The following KLF4 variants were observed in gnomAD, a reference collection of about 807,000 sequenced individuals.
KLF4 encodes KLF transcription factor 4.
In KLF4, 14 loss-of-function variants were observed where a neutral mutation model predicts 38.0. The observed-to-expected ratio is 0.37, with a 90% CI of 0.24 to 0.58. The LOEUF (loss-of-function observed/expected upper bound fraction) is 0.58. KLF4 is among the 20% of genes least tolerant of loss of function. The probability of loss-of-function intolerance (pLI) is 0.76; values close to 1 mark genes in which losing one functional copy is unlikely to be tolerated. For synonymous variants in KLF4, 398 were observed against 302.5 expected, an observed-to-expected ratio of 1.32 and a Z score of -3.28; for missense variants, 737 against 670.1, an observed-to-expected ratio of 1.10 and a Z score of -1.10.
chr9:107,487,974 G>A lies in KLF4; in HGVS notation c.420C>T (p.Gly140=). The change falls in exon 3 of 5, where the codon GGC becomes GGT. Residue 140 remains glycine (G), a synonymous_variant. Transcript: ENST00000374672. This position sits in a 1 kb window ranked among gnomAD's most constrained non-coding sequence, Gnocchi z 6.1. The part of the protein sequence containing the change: ...ASSSSSPSSS[G]PASAPSTCSF... ...TGCAGGTGGAGGGCGCGCTGGCAGG[G>A]CCGCTGCTCGACGGCGACGACGAAG... 1 of 1,587,640 alleles carries A rather than the reference G, an allele frequency of 6.3e-7. No homozygotes were observed. The highest frequency in any genetic ancestry group is 1.3e-5 in the African/African-American group (1 of 74,586).
At chr9:107,486,925 C>A in intron 4 of KLF4, 103 bp downstream of exon 4, 6 of 1,593,144 alleles carry the variant, frequency 3.8e-6, no homozygotes, top group Non-Finnish European at 5.1e-6. Flanking sequence ...GCCTATGGGG[C>A]TGGAAGCTAA....
In KLF4 at chr9:107,487,860, A is replaced by T. The variant is rs1314307506; in HGVS notation, c.534T>A (p.Ala178=). 2 of 1,528,540 alleles carry T rather than the reference A, an allele frequency of 1.3e-6. No individual in the cohort carries two copies. Among genetic ancestry groups the T allele is most frequent in the Non-Finnish European group, 1.8e-6 (2 of 1,136,996 alleles). The allele number at this position is 1,528,540 out of a possible 1,614,324, so 94.7% of individuals were successfully genotyped here. A position where few individuals can be genotyped will look rare whatever the true frequency, so the allele number is the denominator to read the frequency against. ...GGGLLYGRES[A]PPPTAPFNLA... ...GGTTGAAGGGAGCCGTCGGAGGGGG[A>T]GCGGACTCCCTGCCATAGAGGAGGC... Residue 178 remains alanine (A), a synonymous_variant, in exon 3 of 5, where the codon GCT becomes GCA. Coordinates refer to ENST00000374672, the MANE Select transcript of KLF4 (RefSeq NM_004235.6). The surrounding 1 kb of genome is among the most constrained non-coding windows in gnomAD (Gnocchi z 6.1).
chr9:107,489,404 G>C lies in KLF4; in HGVS notation c.-232C>G. The C allele has an allele frequency of 2.0e-6, 1 of 493,396 alleles. No homozygotes were observed. Among genetic ancestry groups the C allele is most frequent in the Non-Finnish European group, 3.4e-6 (1 of 291,670 alleles). The allele number at this position is 493,396 out of a possible 1,614,324, so 30.6% of individuals were successfully genotyped here. ...AATAGACAATCAGCAAGGCGAGTAA[G>C]TAGGTCCGGTGGCCGGGCTGCGCTC... On this transcript the variant is annotated 5_prime_UTR_variant, in exon 1 of 5. Transcript: ENST00000374672.
In KLF4 at chr9:107,487,607, C is replaced by A; in HGVS notation, c.787G>T (p.Val263Leu). ...GGCGGCCCGCCGTTGTAGGGCGCCA[C>A]CACCACCGGGTGGCTGCCGTCAGGG... ...GSPDGSHPVV[V>L]APYNGGPPRT... The change falls in exon 3 of 5, where the codon GTG becomes TTG. Residue 263 changes from valine to leucine, a missense_variant. Physicochemically the swap from Val to Leu is conservative, Grantham distance 32. Coordinates refer to ENST00000374672, the MANE Select transcript of KLF4 (RefSeq NM_004235.6). This position sits in a 1 kb window ranked among gnomAD's most constrained non-coding sequence, Gnocchi z 6.1. The A allele has an allele frequency of 1.3e-6, 2 of 1,599,992 alleles. No individual in the cohort carries two copies. Among genetic ancestry groups the A allele is most frequent in the Non-Finnish European group, 1.7e-6 (2 of 1,176,972 alleles).
In KLF4 at chr9:107,489,054, C is replaced by A. The variant is rs1477844787; in HGVS notation, c.6-4G>T. ...GTCAGACTCGCCAGGTGGCTGCCTG[C>A]GAGCAAGGCAGGGAGCGGAGACAGG... On this transcript the variant is annotated splice_region_variant and splice_polypyrimidine_tract_variant and intron_variant, in intron 1 of 4. Transcript: ENST00000374672. 1.9e-6 allele frequency: 3 copies of A among 1,553,918 alleles called. No homozygotes were observed. The highest frequency in any genetic ancestry group is 2.6e-6 in the Non-Finnish European group (3 of 1,148,200).
rs186385580 is a variant in KLF4, at chr9:107,486,226, T to C, written c.1265-300A>G. 1.6e-4 allele frequency among the ~76,000 whole-genome samples: 24 copies of C among 152,340 alleles called. No individual in the cohort carries two copies. In the East Asian group the frequency reaches 4.4e-3, roughly 28 times the overall value. On this transcript the variant is annotated intron_variant, in intron 4 of 4. Coordinates refer to ENST00000374672, the MANE Select transcript of KLF4 (RefSeq NM_004235.6). The stretch of plus-strand genomic sequence containing the variant: ...ACCTAAACCTATACTAATGTTTCAT[T>C]TGAGTCAAGGCATCTCAGTGGTGGA...
rs920201485 is a variant in KLF4 at position 107,487,043 on chromosome 9, G to A, written c.1249C>T (p.Leu417=). Residue 417 remains leucine, a synonymous_variant, in exon 4 of 5, where the codon CTG becomes TTG. Coordinates refer to ENST00000374672, the MANE Select transcript of KLF4 (RefSeq NM_004235.6). This position sits in a 1 kb window ranked among gnomAD's most constrained non-coding sequence, Gnocchi z 6.1. ...GTCCCCCTACCTGTGTGGGTTCGCA[G>A]GTGTGCCTTGAGATGGGAACTCTTT... The part of the protein sequence containing the change: ...YTKSSHLKAH[L]RTHTGEKPYH... 3 of 1,614,210 alleles carry A rather than the reference G, an allele frequency of 1.9e-6. No individual in the cohort carries two copies. Among genetic ancestry groups the A allele is most frequent in the Non-Finnish European group, 2.5e-6 (3 of 1,180,052 alleles).
Position 107,489,252 on chromosome 9 carries a change from C to A in KLF4, c.-80G>T. 7.0e-7 allele frequency: 1 copy of A among 1,424,062 alleles called. No homozygotes were observed. The highest frequency in any genetic ancestry group is 9.2e-7 in the Non-Finnish European group (1 of 1,086,470). The allele number at this position is 1,424,062 out of a possible 1,614,324, so 88.2% of individuals were successfully genotyped here. On this transcript the variant is annotated 5_prime_UTR_variant, in exon 1 of 5. Transcript: ENST00000374672. ...CCCCAAAGTCAACGAAGAGAAGAAA[C>A]GAAGCCAAAACCCAAAACCCCAAAT...
rs766335225 is a variant in KLF4, at chr9:107,487,715, C to G, written c.679G>C (p.Gly227Arg). ...AGCGACGCCTTCAGCACGAACTTGC[C>G]CATCAGCCCGCCACCTGGCGGCTGC... ...QPQPPGGGLM[G>R]KFVLKASLSA... is the part of the protein sequence containing the mutation. Residue 227 changes from glycine (G) to arginine (R), a missense_variant, in exon 3 of 5, where the codon GGC (glycine) becomes CGC (arginine). Gly to Arg is a moderately radical substitution (Grantham distance 125). Around this residue, in one of 2 missense-constraint regions of KLF4, gnomAD observed 695 missense variants for 554.5 expected, o/e 1.25. Transcript: ENST00000374672. This position sits in a 1 kb window ranked among gnomAD's most constrained non-coding sequence, Gnocchi z 6.1. 2.5e-6 allele frequency: 4 copies of G among 1,601,130 alleles called. No individual in the cohort carries two copies. The highest frequency in any genetic ancestry group is 3.4e-6 in the Non-Finnish European group (4 of 1,175,170).
chr9:107,485,675 A>G lies in KLF4; in HGVS notation c.*76T>C. 7.2e-7 allele frequency: 1 copy of G among 1,381,394 alleles called. No homozygotes were observed. Among genetic ancestry groups the G allele is most frequent in the African/African-American group, 1.5e-5 (1 of 67,370 alleles). The allele number at this position is 1,381,394 out of a possible 1,614,324, so 85.6% of individuals were successfully genotyped here. A position where few individuals can be genotyped will look rare whatever the true frequency, so the allele number is the denominator to read the frequency against. On this transcript the variant is annotated 3_prime_UTR_variant, in exon 5 of 5. Coordinates refer to ENST00000374672, the MANE Select transcript of KLF4 (RefSeq NM_004235.6). This position sits in a 1 kb window ranked among gnomAD's most constrained non-coding sequence, Gnocchi z 4.9. Reference sequence around the variant, plus strand: ...GCTTTCTGGCTGGGCTCCTTCCCTCATCGGGAAGACAGTGTGAAAAGTAAA... The same window carrying G: ...GCTTTCTGGCTGGGCTCCTTCCCTCGTCGGGAAGACAGTGTGAAAAGTAAA...
In KLF4 at chr9:107,485,672, C is replaced by G; in HGVS notation, c.*79G>C. On this transcript the variant is annotated 3_prime_UTR_variant, in exon 5 of 5. Transcript: ENST00000374672. The surrounding 1 kb of genome is among the most constrained non-coding windows in gnomAD (Gnocchi z 4.9). The stretch of plus-strand genomic sequence containing the variant: ...AGTGCTTTCTGGCTGGGCTCCTTCC[C>G]TCATCGGGAAGACAGTGTGAAAAGT... The G allele has an allele frequency of 2.2e-6, 3 of 1,390,822 alleles. No homozygotes were observed. Among genetic ancestry groups the G allele is most frequent in the South Asian group, 1.5e-5 (1 of 65,560 alleles). The allele number at this position is 1,390,822 out of a possible 1,614,324, so 86.2% of individuals were successfully genotyped here.
In KLF4 at chr9:107,485,723, A is replaced by T. The variant is rs1307001356; in HGVS notation, c.*28T>A. 3 of 1,528,124 alleles carry T rather than the reference A, an allele frequency of 2.0e-6. No homozygotes were observed. Among genetic ancestry groups the T allele is most frequent in the Non-Finnish European group, 1.8e-6 (2 of 1,141,046 alleles). 94.7% of individuals were successfully genotyped at this position (1,528,124 alleles called of 1,614,324 possible). ...AAAAAATACTGAATTCTCTTCTGGC[A>T]GTGTGGGTCATATCCACTGTCTGGG... is the stretch of plus-strand genomic sequence containing the variant. On this transcript the variant is annotated 3_prime_UTR_variant, in exon 5 of 5. Transcript: ENST00000374672. This position sits in a 1 kb window ranked among gnomAD's most constrained non-coding sequence, Gnocchi z 4.9.
rs776707884 is a variant in KLF4 at position 107,488,253 on chromosome 9, C to G, written c.141G>C (p.Glu47Asp). ...GGGGAAGTCGCTTCATGTGGGAGAG[C>G]TCCTCCCGCCAGCGCTGCGGGGACA... ...AGAPNNRWRE[E>D]LSHMKRLPPV... The change falls in exon 3 of 5, where the codon GAG (glutamate) becomes GAC (aspartate). Residue 47 changes from glutamate to aspartate, a missense_variant. Coordinates refer to ENST00000374672, the MANE Select transcript of KLF4 (RefSeq NM_004235.6). The surrounding 1 kb of genome is among the most constrained non-coding windows in gnomAD (Gnocchi z 5.7). 11 of 1,604,986 alleles carry G rather than the reference C, an allele frequency of 6.9e-6. 1 individual carries two copies. In the East Asian group the frequency reaches 1.6e-4, roughly 23 times the overall value.
In KLF4 at chr9:107,489,221, C is replaced by T; in HGVS notation, c.-49G>A. 6.9e-7 allele frequency: 1 copy of T among 1,450,898 alleles called. No homozygotes were observed. Among genetic ancestry groups the T allele is most frequent in the Non-Finnish European group, 9.1e-7 (1 of 1,099,332 alleles). 89.9% of individuals were successfully genotyped at this position (1,450,898 alleles called of 1,614,324 possible). A position where few individuals can be genotyped will look rare whatever the true frequency, so the allele number is the denominator to read the frequency against. On this transcript the variant is annotated 5_prime_UTR_variant, in exon 1 of 5. It adds an upstream start codon to the 5' untranslated region. Transcript: ENST00000374672. ...TCGGCAGCCCGAAGCAGCTGGGGCA[C>T]CTGAACCCCAAAGTCAACGAAGAGA...
chr9:107,488,230 G>A lies in KLF4; in HGVS notation c.164C>T (p.Pro55Leu). Residue 55 changes from proline to leucine, a missense_variant, in exon 3 of 5, where the codon CCC becomes CTC. Physicochemically the swap from Pro to Leu is moderately conservative, Grantham distance 98 (BLOSUM62 -3). This residue lies in a region of KLF4 where 695 missense variants were observed against 554.5 expected (regional missense o/e 1.25). Coordinates refer to ENST00000374672, the MANE Select transcript of KLF4 (RefSeq NM_004235.6). This position sits in a 1 kb window ranked among gnomAD's most constrained non-coding sequence, Gnocchi z 5.7. ...ATAGGGGCGGCCGGGAAGCACTGGGGGAAGTCGCTTCATGTGGGAGAGCTC... is the reference window on the plus strand; with the variant it reads ...ATAGGGGCGGCCGGGAAGCACTGGGAGAAGTCGCTTCATGTGGGAGAGCTC... ...REELSHMKRL[P>L]PVLPGRPYDL... The A allele has an allele frequency of 1.2e-6, 2 of 1,610,622 alleles. No homozygotes were observed. The highest frequency in any genetic ancestry group is 1.1e-5 in the South Asian group (1 of 90,952).
At position 107,485,674 on chromosome 9, in the gene KLF4, C is replaced by A. The variant is rs142029409; in HGVS notation, c.*77G>T. ...TGCTTTCTGGCTGGGCTCCTTCCCT[C>A]ATCGGGAAGACAGTGTGAAAAGTAA... On this transcript the variant is annotated 3_prime_UTR_variant, in exon 5 of 5. Coordinates refer to ENST00000374672, the MANE Select transcript of KLF4 (RefSeq NM_004235.6). The surrounding 1 kb of genome is among the most constrained non-coding windows in gnomAD (Gnocchi z 4.9). The A allele has an allele frequency of 1.2e-5, 17 of 1,374,810 alleles. No individual in the cohort carries two copies. In the African/African-American group the frequency reaches 2.2e-4, roughly 18 times the overall value. 85.2% of individuals were successfully genotyped at this position (1,374,810 alleles called of 1,614,324 possible).
In KLF4 at chr9:107,488,969, T is replaced by C; in HGVS notation, c.87A>G (p.Gly29=). The change falls in exon 2 of 5, where the codon GGA becomes GGG. Residue 29 remains glycine, a synonymous_variant. Coordinates refer to ENST00000374672, the MANE Select transcript of KLF4 (RefSeq NM_004235.6). This position sits in a 1 kb window ranked among gnomAD's most constrained non-coding sequence, Gnocchi z 5.7. ...SFSTFASGPA[G]REKTLRQAGA... Reference sequence around the variant, plus strand: ...CTGCTTGACGCAGTGTCTTCTCCCTTCCCGCCGGGCCAGACGCGAACGTGG... The same window carrying C: ...CTGCTTGACGCAGTGTCTTCTCCCTCCCCGCCGGGCCAGACGCGAACGTGG... 6.4e-7 allele frequency: 1 copy of C among 1,565,778 alleles called. No homozygotes were observed. The highest frequency in any genetic ancestry group is 8.7e-7 in the Non-Finnish European group (1 of 1,154,852).
At position 107,485,912 on chromosome 9, in the gene KLF4, G is replaced by A. The variant is rs1437359073; in HGVS notation, c.1279C>T (p.His427Tyr). 6.2e-7 allele frequency: 1 copy of A among 1,609,374 alleles called. No homozygotes were observed. Residue 427 changes from histidine to tyrosine, a missense_variant, in exon 5 of 5, where the codon CAC (histidine) becomes TAC (tyrosine). Physicochemically the swap from His to Tyr is moderately conservative, Grantham distance 83. Coordinates refer to ENST00000374672, the MANE Select transcript of KLF4 (RefSeq NM_004235.6). The surrounding 1 kb of genome is among the most constrained non-coding windows in gnomAD (Gnocchi z 4.9). ...CATCCACAGCCGTCCCAGTCACAGT[G>A]GTAAGGTTTCTCACCTGTAAAGGTA... ...LRTHTGEKPY[H>Y]CDWDGCGWKF...
rs748154997 is a variant in KLF4 at position 107,487,337 on chromosome 9, G to A, written c.1057C>T (p.Pro353Ser). ...HPGPNYPSFL[P>S]DQMQPQVPPL... is the part of the protein sequence containing the mutation. Reference sequence around the variant, plus strand: ...GGGACTTGCGGCTGCATCTGATCGGGCAGGAAGGATGGGTAATTGGGCCCC... The same window carrying A: ...GGGACTTGCGGCTGCATCTGATCGGACAGGAAGGATGGGTAATTGGGCCCC... The change falls in exon 3 of 5, where the codon CCC (proline) becomes TCC (serine). Residue 353 changes from proline (P) to serine (S), a missense_variant. Around this residue, in one of 2 missense-constraint regions of KLF4, gnomAD observed 695 missense variants for 554.5 expected, o/e 1.25. Transcript: ENST00000374672. This position sits in a 1 kb window ranked among gnomAD's most constrained non-coding sequence, Gnocchi z 6.1. The A allele has an allele frequency of 1.3e-6, 2 of 1,558,710 alleles. No individual in the cohort carries two copies. The highest frequency in any genetic ancestry group is 1.4e-5 in the African/African-American group (1 of 73,542).
Sources: allele counts gnomAD v4.1 joint callset (sites outside exome capture counted in the v4.1 genomes callset), GRCh38; gene constraint gnomAD v4.1.1; regional missense constraint gnomAD v4.1.1; non-coding constraint Gnocchi (gnomAD v3.1); transcripts MANE v1.5; gene names NCBI Gene and HGNC (gene_info 2026-07-23, HGNC 2026-07-21).